OR10K2: variants seen among roughly 807,000 people sequenced by gnomAD.
The protein encoded by OR10K2 is olfactory receptor family 10 subfamily K member 2, also known as olfactory receptor 10K2.
For synonymous variants in OR10K2, 169 were observed against 146.4 expected (o/e 1.15, Z -1.11); for missense variants, 401 against 367.1 (o/e 1.09, Z -0.76).
At chr1:158,422,355 C>T (rs1044185957) in intron 1 of OR10K2, among the ~76,000 whole-genome samples, 1 of 152,080 alleles carries the variant, frequency 6.6e-6, no homozygotes. Context: ...TTATTTCTTT[C>T]TAGGCACAAG....
At chr1:158,424,949 A>G (rs1032970479) in intron 1 of OR10K2, among the ~76,000 whole-genome samples, 5 of 152,096 alleles carry the variant, frequency 3.3e-5, no homozygotes, top group African/African-American at 9.7e-5. Flanking sequence ...CAGCTAACCT[A>G]ACTTTTAAGA....
intron 1 of OR10K2, among the ~76,000 whole-genome samples, chr1:158,422,667 T>C (rs1008158237): frequency 3.9e-5 from 6 of 152,052 alleles, no homozygotes; most frequent in Non-Finnish European, 8.8e-5. Flanking sequence ...TTAATGACAA[T>C]GCATTTTTAT....
At chr1:158,423,935 A>C (rs552563567) in intron 1 of OR10K2, among the ~76,000 whole-genome samples, 1 of 152,184 alleles carries the variant, frequency 6.6e-6, no homozygotes, top group Non-Finnish European at 1.5e-5. Context: ...CTATCTAAGC[A>C]CTATAGATAT....
intron 1 of OR10K2, among the ~76,000 whole-genome samples, chr1:158,422,786 A>G (rs1428523900): frequency 6.6e-6 from 1 of 152,036 alleles, no homozygotes; most frequent in African/African-American, 2.4e-5. Context: ...TACACATTTA[A>G]ATAAGACCCA....
chr1:158,420,759 C>T lies in OR10K2; in HGVS notation c.108G>A (p.Leu36=). Residue 36 remains leucine (L), a synonymous_variant, in exon 2 of 2, where the codon CTG becomes CTA. Transcript: ENST00000641042. ...TGATTGCATTGGTGCCCAGAGTGAA[C>T]AGGTAGAGGAGCAGGAAGATAACAA... The part of the protein sequence containing the change: ...LLFVIFLLLY[L]FTLGTNAIII... The T allele has an allele frequency of 6.2e-7, 1 of 1,613,660 alleles. No individual in the cohort carries two copies. The highest frequency in any genetic ancestry group is 1.7e-4 in the Middle Eastern group (1 of 6,058).
chr1:158,423,322 T>C (rs1655193923), intron 1 of OR10K2, among the ~76,000 whole-genome samples: 1 of 151,564 alleles, frequency 6.6e-6, no homozygotes, highest in Admixed American at 6.6e-5. Context: ...GTACTACTAA[T>C]AAATTTCTAC....
intron 1 of OR10K2, among the ~76,000 whole-genome samples, chr1:158,421,365 T>C (rs1655154096): frequency 6.6e-6 from 1 of 152,146 alleles, no homozygotes; most frequent in Admixed American, 6.6e-5. Flanking sequence ...TTTTAGTCTC[T>C]CCATAACTTA....
rs1230355066 is a variant in OR10K2 at position 158,420,115 on chromosome 1, T to C, written c.752A>G (p.His251Arg). 1 of 1,613,536 alleles carries C rather than the reference T, an allele frequency of 6.2e-7. No homozygotes were observed. Among genetic ancestry groups the C allele is most frequent in the Non-Finnish European group, 8.5e-7 (1 of 1,179,842 alleles). Residue 251 changes from histidine (H) to arginine (R), a missense_variant, in exon 2 of 2, where the codon CAC becomes CGC. Coordinates refer to ENST00000641042, the MANE Select transcript of OR10K2 (RefSeq NM_001004476.2). ...CVSHLIIVTV[H>R]YGCASFIYLR... ...GTAGATAAAGGAGGCACAGCCATAG[T>C]GGACAGTGACAATAATGAGGTGAGA...
At position 158,420,293 on chromosome 1, in the gene OR10K2, T is replaced by C; in HGVS notation, c.574A>G (p.Asn192Asp). 1 of 1,613,712 alleles carries C rather than the reference T, an allele frequency of 6.2e-7. No homozygotes were observed. Among genetic ancestry groups the C allele is most frequent in the Non-Finnish European group, 8.5e-7 (1 of 1,179,868 alleles). The change falls in exon 2 of 2, where the codon AAC (asparagine) becomes GAC (aspartate). Residue 192 changes from asparagine (N) to aspartate (D), a missense_variant. Physicochemically the swap from Asn to Asp is conservative, Grantham distance 23. Transcript: ENST00000641042. The part of the protein sequence containing the change: ...APVLKLASHH[N>D]HFSQIVIFML... ...AAGATGACAATCTGACTAAAGTGGT[T>C]ATGGTGAGATGCCAGCTTGAGGACA...
At chr1:158,422,874 T>A (rs1304699147) in intron 1 of OR10K2, among the ~76,000 whole-genome samples, 1 of 152,030 alleles carries the variant, frequency 6.6e-6, no homozygotes, top group Non-Finnish European at 1.5e-5. Context: ...ATTGAGATGA[T>A]GGATATGCAT....
rs1655097252 is a variant in OR10K2, at chr1:158,419,358, T to G, written c.*570A>C. 6.4e-6 allele frequency: 1 copy of G among 155,174 alleles called. No homozygotes were observed. The highest frequency in any genetic ancestry group is 1.5e-5 in the Non-Finnish European group (1 of 68,720). 9.6% of individuals were successfully genotyped at this position (155,174 alleles called of 1,614,324 possible). A position where few individuals can be genotyped will look rare whatever the true frequency, so the allele number is the denominator to read the frequency against. ...TTGGGTGACAGTATTTACTACAGCC[T>G]AAAATTCTGAACATACATATGCTTC... On this transcript the variant is annotated 3_prime_UTR_variant, in exon 2 of 2. Coordinates refer to ENST00000641042, the MANE Select transcript of OR10K2 (RefSeq NM_001004476.2).
rs1317042673 is a variant in OR10K2, at chr1:158,420,395, T to C, written c.472A>G (p.Ile158Val). The change falls in exon 2 of 2, where the codon ATC becomes GTC. Residue 158 changes from isoleucine (I) to valine (V), a missense_variant. Ile to Val is a conservative substitution (Grantham distance 29). Coordinates refer to ENST00000641042, the MANE Select transcript of OR10K2 (RefSeq NM_001004476.2). ...AGGTGAAATACCAAGGATGTGATGA[T>C]CTGTGCAACAGTGAAGCCACAGGCA... ...ACACGFTVAQIITSLVFHLPF... is the reference protein window; with the variant it reads ...ACACGFTVAQVITSLVFHLPF... The C allele has an allele frequency of 6.2e-7, 1 of 1,613,874 alleles. No homozygotes were observed. The highest frequency in any genetic ancestry group is 1.3e-5 in the African/African-American group (1 of 75,024).
intron 1 of OR10K2, among the ~76,000 whole-genome samples, chr1:158,421,903 C>G (rs1423758164): frequency 6.6e-6 from 1 of 151,992 alleles, no homozygotes; most frequent in Admixed American, 6.6e-5. Flanking sequence ...TTCTGGACTT[C>G]CTTGCCTCTA....
At chr1:158,421,275 C>G (rs1164568641) in intron 1 of OR10K2, among the ~76,000 whole-genome samples, 1 of 152,052 alleles carries the variant, frequency 6.6e-6, no homozygotes, top group Non-Finnish European at 1.5e-5. Context: ...GCAAAGTAAA[C>G]CATCTGAATA....
intron 1 of OR10K2, among the ~76,000 whole-genome samples, chr1:158,424,024 T>C (rs932253884): frequency 4.6e-5 from 7 of 152,034 alleles, no homozygotes; most frequent in African/African-American, 1.7e-4. Context: ...CTATAAACAT[T>C]ATAAAATAAG....
In OR10K2 at chr1:158,418,282, A is replaced by G. The variant is rs1655078390; in HGVS notation, c.*1646T>C. ...ATCTACAAAATGTCGATTATAATATATACTTCCCAGTGTGCTCTAAAGTTT... is the reference window on the plus strand; with the variant it reads ...ATCTACAAAATGTCGATTATAATATGTACTTCCCAGTGTGCTCTAAAGTTT... On this transcript the variant is annotated 3_prime_UTR_variant, in exon 2 of 2. Transcript: ENST00000641042. 1.3e-5 allele frequency: 2 copies of G among 152,152 alleles called. No homozygotes were observed. Among genetic ancestry groups the G allele is most frequent in the Admixed American group, 6.6e-5 (1 of 15,254 alleles). 9.4% of individuals were successfully genotyped at this position (152,152 alleles called of 1,614,324 possible).
chr1:158,420,751 A>C lies in OR10K2; in HGVS notation c.116T>G (p.Leu39Arg), dbSNP rs79869455. The change falls in exon 2 of 2, where the codon CTG becomes CGG. Residue 39 changes from leucine (L) to arginine (R), a missense_variant. Physicochemically the swap from Leu to Arg is moderately radical, Grantham distance 102. Transcript: ENST00000641042. ...VIFLLLYLFT[L>R]GTNAIIISTI... ...GGAAATGATGATTGCATTGGTGCCCAGAGTGAACAGGTAGAGGAGCAGGAA... is the reference window on the plus strand; with the variant it reads ...GGAAATGATGATTGCATTGGTGCCCCGAGTGAACAGGTAGAGGAGCAGGAA... 2,541 of 1,613,768 alleles carry C rather than the reference A, an allele frequency of 1.6e-3. 41 individuals carry two copies. In the African/African-American group the frequency reaches 0.03, roughly 19 times the overall value.
rs1164410656 is a variant in OR10K2 at position 158,419,310 on chromosome 1, G to C, written c.*618C>G. The C allele has an allele frequency of 6.5e-6, 1 of 154,758 alleles. No homozygotes were observed. The highest frequency in any genetic ancestry group is 2.4e-5 in the African/African-American group (1 of 41,450). The allele number at this position is 154,758 out of a possible 1,614,324, so 9.6% of individuals were successfully genotyped here. Reference sequence around the variant, plus strand: ...TTAGGGTTGTGCCACATTTTGCAGGGTTAGTTTTCAGCCTGGCTGAGATTG... The same window carrying C: ...TTAGGGTTGTGCCACATTTTGCAGGCTTAGTTTTCAGCCTGGCTGAGATTG... On this transcript the variant is annotated 3_prime_UTR_variant, in exon 2 of 2. Coordinates refer to ENST00000641042, the MANE Select transcript of OR10K2 (RefSeq NM_001004476.2).
Position 158,420,873 on chromosome 1 carries a change from T to C in OR10K2, c.-7A>G. The C allele has an allele frequency of 6.2e-7, 1 of 1,610,734 alleles. No homozygotes were observed. Among genetic ancestry groups the C allele is most frequent in the Middle Eastern group, 1.7e-4 (1 of 6,026 alleles). On this transcript the variant is annotated 5_prime_UTR_variant, in exon 2 of 2. It removes an upstream start codon present in the reference 5' UTR. Transcript: ENST00000641042. Reference sequence around the variant, plus strand: ...TCTCATTGACCCGCTCCATGGAGCATACATCATCAGGAGACAATTAGGGAG... The same window carrying C: ...TCTCATTGACCCGCTCCATGGAGCACACATCATCAGGAGACAATTAGGGAG...
Sources: allele counts gnomAD v4.1 joint callset (sites outside exome capture counted in the v4.1 genomes callset), GRCh38; gene constraint gnomAD v4.1.1; transcripts MANE v1.5; gene names NCBI Gene and HGNC (gene_info 2026-07-23, HGNC 2026-07-21).